ESR1: variants seen among roughly 807,000 people sequenced by gnomAD.
The protein encoded by ESR1 is estrogen receptor 1, also known as estrogen receptor.
In ESR1, 12 loss-of-function variants were observed where a neutral mutation model predicts 52.7. That is an observed-to-expected ratio of 0.23 (90% CI 0.15 to 0.37). The LOEUF is 0.37. Among genes scored for constraint, ESR1 ranks in the 10% least tolerant of loss-of-function variants. The pLI is 1.00. For missense variants in ESR1, 584 were observed against 779.7 expected (o/e 0.75, Z 2.99); for synonymous variants, 305 against 316.8 (o/e 0.96, Z 0.39).
rs376407901 is a variant in ESR1, at chr6:151,751,341, A to G, written c.-71+49336A>G. ...TTCATTTATTATCTGTTTGAGAGTAAAAGTTTGATTATTTTAATGTTACTA... is the reference window on the plus strand; with the variant it reads ...TTCATTTATTATCTGTTTGAGAGTAGAAGTTTGATTATTTTAATGTTACTA... On this transcript the variant is annotated intron_variant, in intron 2 of 2. Transcript: ENST00000404742. 2.3e-4 allele frequency among the ~76,000 whole-genome samples: 35 copies of G among 152,298 alleles called. No individual in the cohort carries two copies. The South Asian group carries it at 7.2e-3, about 32-fold the overall frequency.
At chr6:151,943,384 AAAAAACAAAAAAAAAC>A (rs543751928) in intron 3 of ESR1, among the ~76,000 whole-genome samples, 62 of 146,526 alleles carry the variant, frequency 4.2e-4, no homozygotes, top group Non-Finnish European at 8.1e-4. Flanking sequence ...CATCTTAAAA[AAAAAACAAAAAAAAAC>A]AAAAACAAAA....
At chr6:151,791,936 T>C (rs1196766409) in intron 2 of ESR1, among the ~76,000 whole-genome samples, 1 of 152,218 alleles carries the variant, frequency 6.6e-6, no homozygotes, top group Non-Finnish European at 1.5e-5. Context: ...TATCATTTAA[T>C]GATGGGGATG....
chr6:151,870,567 TA>T (rs1158641318), intron 2 of ESR1, among the ~76,000 whole-genome samples: 2 of 152,248 alleles, frequency 1.3e-5, no homozygotes, highest in Non-Finnish European at 2.9e-5. Context: ...TGCCATCTGC[TA>T]GCCAAGAGAA....
intron 1 of ESR1, among the ~76,000 whole-genome samples, chr6:151,671,855 G>A (rs1778073067): frequency 6.6e-6 from 1 of 152,074 alleles, no homozygotes; most frequent in Non-Finnish European, 1.5e-5. Context: ...GGCCAGGCAT[G>A]GTGGTGGGTG....
At chr6:151,931,399 A>G (rs187732755) in intron 3 of ESR1, among the ~76,000 whole-genome samples, 34 of 152,126 alleles carry the variant, frequency 2.2e-4, no homozygotes, top group Non-Finnish European at 3.7e-4. Flanking sequence ...CTTTCTGCTT[A>G]TATTACCCAT....
chr6:151,714,401 C>T (rs957162167), intron 2 of ESR1, among the ~76,000 whole-genome samples: 1 of 152,150 alleles, frequency 6.6e-6, no homozygotes, highest in Non-Finnish European at 1.5e-5. Context: ...TGTTAATTTT[C>T]TGTCTCATTG....
chr6:152,109,599 T>C (rs1562795335), intron 6 of ESR1, among the ~76,000 whole-genome samples: 1 of 152,036 alleles, frequency 6.6e-6, no homozygotes, highest in Admixed American at 6.6e-5. Flanking sequence ...GTCAGGAGAA[T>C]CACTTGAATC....
intron 1 of ESR1, among the ~76,000 whole-genome samples, chr6:151,681,521 G>A (rs1475752949): frequency 1.3e-5 from 2 of 152,016 alleles, no homozygotes; most frequent in African/African-American, 4.8e-5. Flanking sequence ...TGGAAGCACA[G>A]GGACTGTGGA....
In ESR1 at chr6:151,850,005, T is replaced by A. The variant is rs867495192; in HGVS notation, c.643+7218T>A. 5.8e-5 allele frequency among the ~76,000 whole-genome samples: 7 copies of A among 120,914 alleles called. No individual in the cohort carries two copies. In the South Asian group the frequency reaches 9.8e-4, roughly 17 times the overall value. The allele number at this position is 120,914 out of a possible 152,430, so 79.3% of individuals were successfully genotyped here. A position where few individuals can be genotyped will look rare whatever the true frequency, so the allele number is the denominator to read the frequency against. The stretch of plus-strand genomic sequence containing the variant: ...ATATATATATATATATATATATATA[T>A]AATTTTGTATATATATACAAAATTA... On this transcript the variant is annotated intron_variant, in intron 2 of 7. Transcript: ENST00000206249.
intron 3 of ESR1, among the ~76,000 whole-genome samples, chr6:151,889,413 A>G (rs1027721630): frequency 6.6e-6 from 1 of 152,134 alleles, no homozygotes; most frequent in African/African-American, 2.4e-5. Context: ...CTAAGACTTT[A>G]TCCATTTATT....
chr6:152,056,402 C>A (rs1005426561), intron 5 of ESR1, among the ~76,000 whole-genome samples: 3 of 152,178 alleles, frequency 2.0e-5, no homozygotes, highest in Non-Finnish European at 4.4e-5. Context: ...TGGGTTTTCT[C>A]AGTTTCCATT....
intron 2 of ESR1, among the ~76,000 whole-genome samples, chr6:151,848,208 C>A (rs1377974806): frequency 2.0e-5 from 2 of 102,090 alleles, no homozygotes; most frequent in Non-Finnish European, 4.0e-5. Flanking sequence ...AACCATCATT[C>A]TCAGTAAACT....
intron 3 of ESR1, among the ~76,000 whole-genome samples, chr6:151,892,394 G>C (rs1222497701): frequency 1.3e-5 from 2 of 152,124 alleles, no homozygotes; most frequent in Non-Finnish European, 2.9e-5. Flanking sequence ...CGGTAGGAAT[G>C]GGCAGAGTTA....
In ESR1 at chr6:152,035,693, A is replaced by G. The variant is rs539055051; in HGVS notation, c.1235+23899A>G. The stretch of plus-strand genomic sequence containing the variant: ...ATAAAGCTATAATAATTAATACAGT[A>G]TGGCATTGGCATAGAAATAAGCACA... On this transcript the variant is annotated intron_variant, in intron 5 of 7. Coordinates refer to ENST00000206249, the MANE Select transcript of ESR1 (RefSeq NM_000125.4). 2.0e-5 allele frequency among the ~76,000 whole-genome samples: 3 copies of G among 152,328 alleles called. No homozygotes were observed. In the East Asian group the frequency reaches 5.8e-4, roughly 29 times the overall value.
At chr6:152,074,449 C>T (rs1406746435) in intron 6 of ESR1, among the ~76,000 whole-genome samples, 2 of 152,170 alleles carry the variant, frequency 1.3e-5, no homozygotes, top group African/African-American at 2.4e-5. Context: ...TTGAATACTA[C>T]TACTCCATTG....
At chr6:151,904,867 G>A (rs148612185) in intron 3 of ESR1, among the ~76,000 whole-genome samples, 2 of 152,050 alleles carry the variant, frequency 1.3e-5, no homozygotes, top group South Asian at 2.1e-4. Context: ...CTGGTAATGG[G>A]CCAGGAAAGT....
chr6:151,742,368 C>T (rs868618736), intron 2 of ESR1, among the ~76,000 whole-genome samples: 1 of 152,194 alleles, frequency 6.6e-6, no homozygotes, highest in African/African-American at 2.4e-5. Flanking sequence ...ATCTACACTG[C>T]CACCAACAGG....
At chr6:151,941,398 G>A (rs535194535) in intron 3 of ESR1, among the ~76,000 whole-genome samples, 1 of 152,100 alleles carries the variant, frequency 6.6e-6, no homozygotes, top group African/African-American at 2.4e-5. Flanking sequence ...TCTTACCCCA[G>A]TCCTCACACG....
rs2046816208 is a variant in ESR1 at position 152,053,103 on chromosome 6, T to C, written c.1236-7888T>C. Among the ~76,000 whole-genome samples, 1 of 152,216 alleles carries C rather than the reference T, an allele frequency of 6.6e-6. No individual in the cohort carries two copies. Among genetic ancestry groups the C allele is most frequent in the South Asian group, 2.1e-4 (1 of 4,828 alleles). On this transcript the variant is annotated intron_variant, in intron 5 of 7. Coordinates refer to ENST00000206249, the MANE Select transcript of ESR1 (RefSeq NM_000125.4). The surrounding 1 kb of genome is among the most constrained non-coding windows in gnomAD (Gnocchi z 4.1). ...ACCTCTCAGAATTTCTGCATTCACA[T>C]TTATTTCTTCTCATATCCTCGAGTT...
Sources: allele counts gnomAD v4.1 joint callset (sites outside exome capture counted in the v4.1 genomes callset), GRCh38; gene constraint gnomAD v4.1.1; non-coding constraint Gnocchi (gnomAD v3.1); transcripts MANE v1.5; gene names NCBI Gene and HGNC (gene_info 2026-07-23, HGNC 2026-07-21).